Variants in STK3 observed in about 807,000 individuals in gnomAD.
STK3 encodes the protein serine/threonine kinase 3.
In STK3, 41 loss-of-function variants were observed where a neutral mutation model predicts 58.0. The ratio of observed to expected loss-of-function variants is 0.71; its 90% confidence interval spans 0.55 to 0.92. The LOEUF is 0.92. Ranked by LOEUF, STK3 falls within the 40% of genes least tolerant of loss-of-function variation. The probability of loss-of-function intolerance (pLI) is 0.00; values close to 1 mark genes in which losing one functional copy is unlikely to be tolerated. For missense variants in STK3, 479 were observed against 602.7 expected (o/e 0.79, Z 2.15); for synonymous variants, 170 against 191.0 (o/e 0.89, Z 0.91).
intron 6 of STK3, among the ~76,000 whole-genome samples, chr8:98,664,306 G>A (rs1822175765): frequency 6.6e-6 from 1 of 152,126 alleles, no homozygotes; most frequent in Non-Finnish European, 1.5e-5. Flanking sequence ...CGCAATCCTG[G>A]ATTGCAATAT....
intron 1 of STK3, among the ~76,000 whole-genome samples, chr8:98,815,642 G>A (rs1202432272): frequency 6.6e-6 from 1 of 152,062 alleles, no homozygotes; most frequent in African/African-American, 2.4e-5. Flanking sequence ...CATCAAGTAT[G>A]TTTAAATCCA....
At chr8:98,602,558 C>G (rs1305293687) in intron 6 of STK3, among the ~76,000 whole-genome samples, 1 of 152,202 alleles carries the variant, frequency 6.6e-6, no homozygotes, top group Non-Finnish European at 1.5e-5. Context: ...ACTATACAAT[C>G]ACTTAAGTTT....
chr8:98,784,653 C>A (rs1033845282), intron 1 of STK3, among the ~76,000 whole-genome samples: 1 of 152,092 alleles, frequency 6.6e-6, no homozygotes. Context: ...ATTCAGAGCA[C>A]CCCCTCACCT....
chr8:98,797,180 C>T (rs908495469), intron 1 of STK3, among the ~76,000 whole-genome samples: 7 of 152,224 alleles, frequency 4.6e-5, no homozygotes, highest in African/African-American at 1.7e-4. Flanking sequence ...TTAACTAGAT[C>T]TTCTGATAAC....
chr8:98,781,796 TAAAAAA>T (rs75163285), intron 1 of STK3, among the ~76,000 whole-genome samples: 5 of 142,936 alleles, frequency 3.5e-5, no homozygotes, highest in Non-Finnish European at 7.7e-5. Flanking sequence ...GTCAAAAAAA[TAAAAAA>T]AAAAATTATT....
intron 6 of STK3, among the ~76,000 whole-genome samples, chr8:98,657,409 T>C (rs1821634904): frequency 6.6e-6 from 1 of 152,160 alleles, no homozygotes. Flanking sequence ...ACCATTATGT[T>C]TTCTTGCTTC....
At chr8:98,649,872 T>C (rs1351683459) in intron 6 of STK3, among the ~76,000 whole-genome samples, 2 of 152,200 alleles carry the variant, frequency 1.3e-5, no homozygotes, top group Non-Finnish European at 1.5e-5. Context: ...CAGCATGCTC[T>C]TTCCTTCATT....
intron 6 of STK3, among the ~76,000 whole-genome samples, chr8:98,640,931 ATATT>A (rs1279907627): frequency 6.6e-6 from 1 of 151,020 alleles, no homozygotes; most frequent in Non-Finnish European, 1.5e-5. Flanking sequence ...TTATACTACT[ATATT>A]TATATGTTAT....
chr8:98,401,948 G>A (rs1201764888), intron 3 of STK3, among the ~76,000 whole-genome samples: 2 of 152,028 alleles, frequency 1.3e-5, no homozygotes, highest in African/African-American at 4.8e-5. Context: ...GGAACACCCA[G>A]AAAAATAAAA....
intron 1 of STK3, among the ~76,000 whole-genome samples, chr8:98,937,593 T>A (rs1406917291): frequency 6.6e-6 from 1 of 152,232 alleles, no homozygotes; most frequent in African/African-American, 2.4e-5. Context: ...CAAGTCAGGA[T>A]GAAAGTTCAA....
intron 3 of STK3, chr8:98,429,515 G>C: frequency 1.2e-6 from 1 of 804,630 alleles, no homozygotes; most frequent in East Asian, 2.5e-5. Context: ...AGTATGCCCA[G>C]CCCCTGAGGG....
At chr8:98,525,893 T>C (rs977011424) in intron 10 of STK3, among the ~76,000 whole-genome samples, 2 of 151,882 alleles carry the variant, frequency 1.3e-5, no homozygotes, top group Non-Finnish European at 2.9e-5. Flanking sequence ...ATTTAAAAAA[T>C]GTACATATTT....
intron 1 of STK3, among the ~76,000 whole-genome samples, chr8:98,920,092 G>C (rs908647015): frequency 6.6e-6 from 1 of 152,212 alleles, no homozygotes; most frequent in African/African-American, 2.4e-5. Flanking sequence ...CTAAGAGGAG[G>C]GCAACTAGAA....
chr8:98,406,458 C>G (rs181891849), intron 3 of STK3, among the ~76,000 whole-genome samples: 61 of 152,180 alleles, frequency 4.0e-4, no homozygotes, highest in Middle Eastern at 3.4e-3. Context: ...CAACCTCCCC[C>G]CTCTAGGGTT....
intron 1 of STK3, among the ~76,000 whole-genome samples, chr8:98,787,167 C>CAAAAA (rs35568354): frequency 1.8e-4 from 4 of 22,690 alleles, no homozygotes; most frequent in Non-Finnish European, 2.9e-4. Flanking sequence ...GACTCCACCT[C>CAAAAA]AAAAAAAAAA....
chr8:98,651,912 G>T (rs1820974371), intron 6 of STK3, among the ~76,000 whole-genome samples: 1 of 151,254 alleles, frequency 6.6e-6, no homozygotes, highest in African/African-American at 2.4e-5. Context: ...CACTCTGCAG[G>T]ATATTATCCA....
intron 7 of STK3, among the ~76,000 whole-genome samples, chr8:98,583,818 T>C (rs1004604068): frequency 2.5e-4 from 38 of 151,530 alleles, no homozygotes; most frequent in African/African-American, 8.5e-4. Flanking sequence ...CTCAGGAAAA[T>C]AAACCTATGG....
intron 3 of STK3, among the ~76,000 whole-genome samples, chr8:98,834,994 G>T (rs1441166210): frequency 6.6e-6 from 1 of 152,178 alleles, no homozygotes; most frequent in Non-Finnish European, 1.5e-5. Context: ...CTCTTGATTG[G>T]CTATTCATTT....
At chr8:98,832,256 ATAT>A (rs1209452268) in intron 3 of STK3, among the ~76,000 whole-genome samples, 98 of 85,154 alleles carry the variant, frequency 1.2e-3, no homozygotes, top group Non-Finnish European at 1.9e-3. Context: ...AAAAAAAAAA[ATAT>A]ATATATATAT....
Sources: allele counts gnomAD v4.1 joint callset (sites outside exome capture counted in the v4.1 genomes callset), GRCh38; gene constraint gnomAD v4.1.1; transcripts MANE v1.5; gene names NCBI Gene and HGNC (gene_info 2026-07-23, HGNC 2026-07-21).